Variants in IRAK1BP1 observed in about 807,000 individuals in gnomAD.
IRAK1BP1 encodes interleukin 1 receptor associated kinase 1 binding protein 1, also known as interleukin-1 receptor-associated kinase 1-binding protein 1.
A neutral mutation model predicts 28.0 loss-of-function variants in IRAK1BP1; 24 were observed. The ratio of observed to expected loss-of-function variants is 0.86; its 90% CI spans 0.62 to 1.20. The LOEUF is 1.20. Ranked by LOEUF, IRAK1BP1 falls within the 50% of genes most tolerant of loss-of-function variation. The pLI is 0.00. For synonymous variants in IRAK1BP1, 131 were observed against 116.3 expected (o/e 1.13, Z -0.81); for missense variants, 336 against 316.7 (o/e 1.06, Z -0.46).
At chr6:78,963,109 A>G in the IRAK1BP1 span, 1 of 1,598,316 alleles carries the variant, frequency 6.3e-7, no homozygotes, top group Non-Finnish European at 8.5e-7. Flanking sequence ...AGTGTCATCA[A>G]CTGGTTTATT....
At chr6:78,936,733 A>G (rs890085225) in intron 4 of IRAK1BP1, 5 of 151,862 alleles carry the variant, frequency 3.3e-5, no homozygotes, top group Non-Finnish European at 5.9e-5. Flanking sequence ...TGGAGCGCCA[A>G]AAGTGGTACT....
At chr6:78,894,299 A>G (rs1338527108) in intron 2 of IRAK1BP1, among the ~76,000 whole-genome samples, 1 of 152,242 alleles carries the variant, frequency 6.6e-6, no homozygotes, top group Non-Finnish European at 1.5e-5. Flanking sequence ...AAATACAGAT[A>G]TTTTAAGTTA....
intron 4 of IRAK1BP1, chr6:78,938,445 T>G (rs1268680452): frequency 6.6e-6 from 1 of 151,704 alleles, no homozygotes; most frequent in African/African-American, 2.4e-5. Context: ...GTACATTTTT[T>G]TTACAAAAAT....
At chr6:78,958,187 A>T in the IRAK1BP1 span, 1 of 221,456 alleles carries the variant, frequency 4.5e-6, no homozygotes, top group Admixed American at 5.3e-5. Flanking sequence ...ATTGTCTAAC[A>T]GTTAGATTGA....
chr6:78,906,528 T>C (rs749832025), downstream of IRAK1BP1, among the ~76,000 whole-genome samples: 10 of 152,212 alleles, frequency 6.6e-5, no homozygotes, highest in Non-Finnish European at 1.2e-4. Context: ...CTAAGTATAA[T>C]GTGTAAGTAT....
intron 4 of IRAK1BP1, among the ~76,000 whole-genome samples, chr6:78,909,856 GCTCA>G (rs1309707583): frequency 2.6e-5 from 4 of 151,006 alleles, no homozygotes; most frequent in Non-Finnish European, 5.9e-5. Context: ...TTCTTTTTTT[GCTCA>G]CTCTCAGCAG....
intron 4 of IRAK1BP1, among the ~76,000 whole-genome samples, chr6:78,909,704 A>T (rs1272308849): frequency 2.0e-5 from 3 of 152,192 alleles, no homozygotes; most frequent in Non-Finnish European, 4.4e-5. Context: ...GGAACCTATG[A>T]ATTACTTTAA....
At chr6:78,952,583 T>A in the IRAK1BP1 span, among the ~76,000 whole-genome samples, 2 of 152,094 alleles carry the variant, frequency 1.3e-5, no homozygotes, top group Non-Finnish European at 2.9e-5. Context: ...CCTCTTACCC[T>A]CTCCTTCACA....
At chr6:78,969,863 A>C in the IRAK1BP1 span, 13 of 1,590,458 alleles carry the variant, frequency 8.2e-6, no homozygotes, top group Non-Finnish European at 1.1e-5. Flanking sequence ...ATTTTGCATC[A>C]TCAAATTGTT....
chr6:78,944,064 G>A (rs1052211181), intron 4 of IRAK1BP1, among the ~76,000 whole-genome samples: 1 of 145,080 alleles, frequency 6.9e-6, no homozygotes, highest in Non-Finnish European at 1.5e-5. Context: ...TCCTAAAGAA[G>A]ACGATATTTT....
chr6:78,884,264 C>T (rs1196042926), intron 1 of IRAK1BP1, among the ~76,000 whole-genome samples: 4 of 152,032 alleles, frequency 2.6e-5, no homozygotes, highest in African/African-American at 9.7e-5. Flanking sequence ...GCAACCATGT[C>T]TTCTTCAAAT....
intron 1 of IRAK1BP1, among the ~76,000 whole-genome samples, chr6:78,884,525 C>T (rs572392334): frequency 2.0e-5 from 3 of 152,056 alleles, no homozygotes; most frequent in South Asian, 2.1e-4. Context: ...CAAACTGGCT[C>T]AGGTTAGATG....
chr6:78,893,387 G>A (rs1771755541), intron 2 of IRAK1BP1, among the ~76,000 whole-genome samples: 1 of 143,594 alleles, frequency 7.0e-6, no homozygotes, highest in African/African-American at 2.5e-5. Context: ...AGCAAAAGTA[G>A]TGCTGAAAAA....
At chr6:78,974,772 G>C in the IRAK1BP1 span, among the ~76,000 whole-genome samples, 2 of 151,794 alleles carry the variant, frequency 1.3e-5, no homozygotes, top group Non-Finnish European at 2.9e-5. Context: ...AGAAAATCTA[G>C]AAGAAATGGA....
intron 4 of IRAK1BP1, chr6:78,935,529 C>A: frequency 1.0e-6 from 1 of 974,008 alleles, no homozygotes; most frequent in Non-Finnish European, 1.2e-6. Context: ...ACGAAAGTAT[C>A]TGAATAGTGA....
intron 4 of IRAK1BP1, chr6:78,940,837 C>A: frequency 6.2e-7 from 1 of 1,613,974 alleles, no homozygotes; most frequent in Non-Finnish European, 8.5e-7. Context: ...AGAAAGCTGT[C>A]CTTCGACCTT....
intron 1 of IRAK1BP1, among the ~76,000 whole-genome samples, chr6:78,870,362 CTT>C (rs975630296): frequency 6.6e-6 from 1 of 152,104 alleles, no homozygotes; most frequent in African/African-American, 2.4e-5. Context: ...GTAATAAAAA[CTT>C]ATCCTGTATC....
Position 78,885,410 on chromosome 6 carries a change from G to A in IRAK1BP1, c.348G>A (p.Arg116=), listed in dbSNP as rs1013839997. The A allele has an allele frequency of 1.3e-6, 2 of 1,584,076 alleles. No individual in the cohort carries two copies. The highest frequency in any genetic ancestry group is 2.7e-5 in the African/African-American group (2 of 73,652). The change falls in exon 2 of 4, where the codon AGG becomes AGA. Residue 116 remains arginine, a synonymous_variant. Transcript: ENST00000369940. ...ATATAACTGTGACAAAGGATTTTAG[G>A]AGAGTGGAAAATGCTTATCACATGG... is the stretch of plus-strand genomic sequence containing the variant. The part of the protein sequence containing the change: ...AENITVTKDF[R]RVENAYHMEA...
chr6:78,873,573 G>T (rs1285052613), intron 1 of IRAK1BP1, among the ~76,000 whole-genome samples: 1 of 151,904 alleles, frequency 6.6e-6, no homozygotes, highest in East Asian at 1.9e-4. Flanking sequence ...AAAACTCCGG[G>T]GCTCAAGCTA....
Sources: gnomAD v4.1 joint callset for allele counts (sites outside exome capture counted in the v4.1 genomes callset) on GRCh38, gnomAD v4.1.1 for gene constraint, MANE v1.5 for transcripts, NCBI Gene and HGNC (gene_info 2026-07-23, HGNC 2026-07-21) for gene names.